TYW1B: variants seen among roughly 807,000 people sequenced by gnomAD.
The protein encoded by TYW1B is tRNA-yW synthesizing protein 1 homolog B.
TYW1B carries 73 observed loss-of-function variants against 86.9 expected under a neutral mutation model. The ratio of observed to expected loss-of-function variants is 0.84; its 90% confidence interval spans 0.70 to 1.02. The LOEUF (loss-of-function observed/expected upper bound fraction) is 1.02. Among genes scored for constraint, TYW1B ranks in the 50% least tolerant of loss-of-function variants. The pLI, the probability that TYW1B is intolerant of heterozygous loss-of-function variation, is 0.00. For missense variants in TYW1B, 637 were observed against 827.4 expected, an observed-to-expected ratio of 0.77 and a Z score of 2.82; for synonymous variants, 248 against 292.8, an observed-to-expected ratio of 0.85 and a Z score of 1.56.
At chr7:72,709,404 C>T (rs551891431) in intron 10 of TYW1B, among the ~76,000 whole-genome samples, 8 of 152,216 alleles carry the variant, frequency 5.3e-5, no homozygotes, top group African/African-American at 1.7e-4. Context: ...CGTGGTGGCT[C>T]ACGCCTGTAA....
At chr7:72,618,227 A>AT (rs869158136) in intron 12 of TYW1B, among the ~76,000 whole-genome samples, 24,500 of 103,806 alleles carry the variant, frequency 0.24, 3,018 homozygotes, top group African/African-American at 0.38. Flanking sequence ...ATGACACTGA[A>AT]TTTTTTTTTT....
At chr7:72,580,146 T>C (rs1438317368) in intron 13 of TYW1B, among the ~76,000 whole-genome samples, 1 of 152,086 alleles carries the variant, frequency 6.6e-6, no homozygotes, top group African/African-American at 2.4e-5. Context: ...TATTCTGAAA[T>C]GAACAGAGCC....
chr7:72,675,159 G>A (rs1554447122), intron 11 of TYW1B, among the ~76,000 whole-genome samples: 1 of 151,996 alleles, frequency 6.6e-6, no homozygotes, highest in Non-Finnish European at 1.5e-5. Context: ...AGAACTTTGG[G>A]AGGCCGGGGT....
intron 10 of TYW1B, among the ~76,000 whole-genome samples, chr7:72,703,026 A>ATTTTT (rs1166122885): frequency 8.5e-5 from 3 of 35,204 alleles, no homozygotes; most frequent in African/African-American, 3.6e-4. Flanking sequence ...ATATATATAT[A>ATTTTT]TTTTTTTTTT....
At chr7:72,720,308 A>G (rs756424326) in intron 9 of TYW1B, among the ~76,000 whole-genome samples, 1 of 152,308 alleles carries the variant, frequency 6.6e-6, no homozygotes, top group Non-Finnish European at 1.5e-5. Context: ...CAACACTCAC[A>G]GTTCTGGGGA....
chr7:72,697,066 T>C (rs1296138844), intron 10 of TYW1B, among the ~76,000 whole-genome samples: 4 of 146,590 alleles, frequency 2.7e-5, no homozygotes, highest in African/African-American at 1.0e-4. Flanking sequence ...AAAAAAGGAC[T>C]GTCTTAATGG....
chr7:72,658,877 C>T (rs1410325324), intron 11 of TYW1B, among the ~76,000 whole-genome samples: 2 of 152,116 alleles, frequency 1.3e-5, no homozygotes, highest in South Asian at 2.1e-4. Flanking sequence ...TGCACCACAA[C>T]ACCCAGCTAA....
intron 7 of TYW1B, among the ~76,000 whole-genome samples, chr7:72,776,132 G>T (rs1787950011): frequency 6.6e-6 from 1 of 151,946 alleles, no homozygotes; most frequent in Admixed American, 6.6e-5. Flanking sequence ...AGGCAAAAGA[G>T]CAAGACCCGA....
At chr7:72,815,068 CAAAAAA>C (rs576240918) in intron 3 of TYW1B, among the ~76,000 whole-genome samples, 3 of 73,112 alleles carry the variant, frequency 4.1e-5, no homozygotes, top group African/African-American at 1.6e-4. Context: ...GACTCCATCT[CAAAAAA>C]AAAAAAAAAA....
chr7:72,636,535 T>C (rs1366274154), intron 11 of TYW1B, among the ~76,000 whole-genome samples: 2 of 152,242 alleles, frequency 1.3e-5, no homozygotes, highest in Non-Finnish European at 2.9e-5. Flanking sequence ...ATTTTAAACA[T>C]TTACTCAAGA....
chr7:72,608,769 A>G (rs1172102132), intron 13 of TYW1B, among the ~76,000 whole-genome samples: 1 of 152,238 alleles, frequency 6.6e-6, no homozygotes. Flanking sequence ...CTGTTTATAT[A>G]TCCTTCTTGC....
rs576240918 is a variant in TYW1B at position 72,815,068 on chromosome 7, C to CAA, written c.237+310_237+311dup. Reference sequence around the variant, plus strand: ...TGGGTGACACAGTGAGACTCCATCTCAAAAAAAAAAAAAAAAAAAAAAGAA... The same window carrying CAA: ...TGGGTGACACAGTGAGACTCCATCTCAAAAAAAAAAAAAAAAAAAAAAAAGAA... On this transcript the variant is annotated intron_variant, in intron 3 of 13. Coordinates refer to ENST00000620995, the MANE Select transcript of TYW1B (RefSeq NM_001145440.3). Among the ~76,000 whole-genome samples, 540 of 72,006 alleles carry CAA rather than the reference C, an allele frequency of 7.5e-3. 7 individuals carry two copies. The highest frequency in any genetic ancestry group is 0.02 in the African/African-American group (377 of 18,644). 47.2% of individuals were successfully genotyped at this position (72,006 alleles called of 152,430 possible). A position where few individuals can be genotyped will look rare whatever the true frequency, so the allele number is the denominator to read the frequency against.
At chr7:72,814,583 CA>C (rs1332324624) in intron 3 of TYW1B, among the ~76,000 whole-genome samples, 38 of 138,990 alleles carry the variant, frequency 2.7e-4, no homozygotes, top group African/African-American at 9.0e-4. Context: ...GACTCCGTCT[CA>C]AAAAAAAAAC....
chr7:72,593,031 G>T (rs868920749), intron 13 of TYW1B, among the ~76,000 whole-genome samples: 5 of 152,046 alleles, frequency 3.3e-5, no homozygotes, highest in Non-Finnish European at 7.4e-5. Flanking sequence ...GGATGGGCAC[G>T]GTGGCTCACA....
chr7:72,575,285 A>G lies in TYW1B; in HGVS notation c.*213T>C. On this transcript the variant is annotated 3_prime_UTR_variant, in exon 14 of 14. Coordinates refer to ENST00000620995, the MANE Select transcript of TYW1B (RefSeq NM_001145440.3). ...TTCCTCTTAGAAGTAAAATCAGGAA[A>G]GGGGCTGAGTTCTGAAAAGAAACAT... 3.6e-6 allele frequency: 5 copies of G among 1,388,790 alleles called. No individual in the cohort carries two copies. The South Asian group carries it at 7.0e-5, about 19-fold the overall frequency. 86.0% of individuals were successfully genotyped at this position (1,388,790 alleles called of 1,614,324 possible).
chr7:72,685,009 G>A (rs1389965904), intron 11 of TYW1B, among the ~76,000 whole-genome samples: 1 of 151,994 alleles, frequency 6.6e-6, no homozygotes, highest in Non-Finnish European at 1.5e-5. Context: ...CTACTTGGGA[G>A]GCTGAGATAG....
At chr7:72,672,109 G>A (rs182505435) in intron 11 of TYW1B, among the ~76,000 whole-genome samples, 1 of 152,212 alleles carries the variant, frequency 6.6e-6, no homozygotes, top group Non-Finnish European at 1.5e-5. Context: ...CATGAGAGCT[G>A]ATGGTTTGAA....
intron 11 of TYW1B, among the ~76,000 whole-genome samples, chr7:72,632,373 A>T (rs1812532705): frequency 8.6e-6 from 1 of 116,142 alleles, no homozygotes; most frequent in South Asian, 2.4e-4. Flanking sequence ...ATACGCATAT[A>T]TATTATATAT....
rs1303553864 is a variant in TYW1B at position 72,575,166 on chromosome 7, T to G, written c.*332A>C. 18 of 1,104,822 alleles carry G rather than the reference T, an allele frequency of 1.6e-5. No individual in the cohort carries two copies. The East Asian group carries it at 9.8e-4, about 60-fold the overall frequency. 68.4% of individuals were successfully genotyped at this position (1,104,822 alleles called of 1,614,324 possible). On this transcript the variant is annotated 3_prime_UTR_variant, in exon 14 of 14. Coordinates refer to ENST00000620995, the MANE Select transcript of TYW1B (RefSeq NM_001145440.3). ...GGGATTTCTTCCTTGTCTGACACTC[T>G]CAGGACTAGCATTCTGGCAGGTCTT...
Sources: allele counts gnomAD v4.1 joint callset (sites outside exome capture counted in the v4.1 genomes callset), GRCh38; gene constraint gnomAD v4.1.1; transcripts MANE v1.5; gene names NCBI Gene and HGNC (gene_info 2026-07-23, HGNC 2026-07-21).